Variants in PTPRD observed in about 807,000 individuals in gnomAD.
The protein encoded by PTPRD is protein tyrosine phosphatase receptor type D, also known as receptor-type tyrosine-protein phosphatase delta.
Under a neutral mutation model 214.5 loss-of-function variants are expected in PTPRD, and 34 were observed. That is an observed-to-expected ratio of 0.16 (90% CI 0.12 to 0.21). The LOEUF is 0.21. Ranked by LOEUF, PTPRD falls within the 10% of genes least tolerant of loss-of-function variation. The pLI, the probability that PTPRD is intolerant of heterozygous loss-of-function variation, is 1.00. For missense variants in PTPRD, 2,545 were observed against 2,398.7 expected (o/e 1.06, Z -1.27); for synonymous variants, 1,128 against 845.7 (o/e 1.33, Z -5.79).
chr9:9,529,996 A>G (rs1008166238), intron 8 of PTPRD, among the ~76,000 whole-genome samples: 1 of 152,100 alleles, frequency 6.6e-6, no homozygotes, highest in African/African-American at 2.4e-5. Context: ...ACCTATGGGA[A>G]ATAGCAAAAG....
chr9:9,764,429 C>G (rs891708891), intron 6 of PTPRD, among the ~76,000 whole-genome samples: 6 of 151,986 alleles, frequency 3.9e-5, no homozygotes, highest in African/African-American at 1.4e-4. Flanking sequence ...CCGTTGCCCC[C>G]ACTTCAAAGA....
intron 8 of PTPRD, among the ~76,000 whole-genome samples, chr9:9,540,272 A>T (rs1289417104): frequency 6.6e-6 from 1 of 151,780 alleles, no homozygotes; most frequent in African/African-American, 2.4e-5. Flanking sequence ...TTTACTACGT[A>T]AACACTGAGT....
rs185679738 is a variant in PTPRD at position 9,965,260 on chromosome 9, T to C, written c.-471-26650A>G. On this transcript the variant is annotated intron_variant, in intron 4 of 45. Transcript: ENST00000381196. ...GGTTGGGGTGGTTGTTAATTTTACTTTGGAGTGGATGCAGCAGGTAGATTT... is the reference window on the plus strand; with the variant it reads ...GGTTGGGGTGGTTGTTAATTTTACTCTGGAGTGGATGCAGCAGGTAGATTT... 2.5e-3 allele frequency among the ~76,000 whole-genome samples: 386 copies of C among 152,196 alleles called. 1 individual carries two copies. The highest frequency in any genetic ancestry group is 8.8e-3 in the African/African-American group (365 of 41,522).
intron 12 of PTPRD, among the ~76,000 whole-genome samples, chr9:8,639,047 G>T (rs114494396): frequency 0.069 from 10,476 of 151,924 alleles, 1,091 homozygotes; most frequent in African/African-American, 0.23. Context: ...TTGACCATGT[G>T]GGCCAGAATG....
intron 2 of PTPRD, among the ~76,000 whole-genome samples, chr9:10,475,871 CAA>C (rs370859582): frequency 2.0e-5 from 3 of 147,720 alleles, no homozygotes; most frequent in African/African-American, 7.4e-5. Context: ...GAACCAATGA[CAA>C]AAAAAAACAT....
intron 11 of PTPRD, among the ~76,000 whole-genome samples, chr9:8,937,558 T>C (rs1458433710): frequency 6.6e-6 from 1 of 152,200 alleles, no homozygotes; most frequent in Non-Finnish European, 1.5e-5. Context: ...TTTAGCAATC[T>C]TAGTCCCTCA....
At chr9:9,872,030 G>C (rs923920275) in intron 5 of PTPRD, among the ~76,000 whole-genome samples, 9 of 152,050 alleles carry the variant, frequency 5.9e-5, no homozygotes, top group African/African-American at 2.2e-4. Context: ...CTCCTGACTT[G>C]ACAATAGTAC....
chr9:10,476,335 CA>C (rs2099062380), intron 2 of PTPRD, among the ~76,000 whole-genome samples: 1 of 151,992 alleles, frequency 6.6e-6, no homozygotes. Context: ...TCCTATACAC[CA>C]ATAGTAGACA....
chr9:10,405,684 C>A (rs1407933), intron 2 of PTPRD, among the ~76,000 whole-genome samples: 3,475 of 151,536 alleles, frequency 0.023, 118 homozygotes, highest in African/African-American at 0.079. Context: ...AAGCTTATAT[C>A]TGCAAATAAA....
chr9:8,921,438 A>C (rs2154270085), intron 11 of PTPRD, among the ~76,000 whole-genome samples: 1 of 152,170 alleles, frequency 6.6e-6, no homozygotes, highest in African/African-American at 2.4e-5. Flanking sequence ...GGACTTATTA[A>C]ATCTGAGCAT....
intron 4 of PTPRD, among the ~76,000 whole-genome samples, chr9:9,982,710 T>A (rs889080139): frequency 1.3e-5 from 2 of 152,040 alleles, no homozygotes; most frequent in African/African-American, 4.8e-5. Context: ...TTGTATTTGA[T>A]GCTATCTGTT....
At chr9:8,764,387 T>A (rs933078674) in intron 11 of PTPRD, among the ~76,000 whole-genome samples, 1 of 152,204 alleles carries the variant, frequency 6.6e-6, no homozygotes, top group Non-Finnish European at 1.5e-5. Flanking sequence ...TTACCTTATG[T>A]TCCCAGTAAC....
At chr9:10,542,297 GT>G (rs1422318884) in intron 2 of PTPRD, among the ~76,000 whole-genome samples, 1 of 152,070 alleles carries the variant, frequency 6.6e-6, no homozygotes, top group Non-Finnish European at 1.5e-5. Context: ...CACTGAAAGG[GT>G]TTGAAAGATG....
At chr9:8,523,479 T>C (rs1054266548) in intron 19 of PTPRD, 34 bp downstream of exon 19, 1 of 1,610,074 alleles carries the variant, frequency 6.2e-7, no homozygotes, top group East Asian at 2.2e-5. Context: ...TTAATAGTTT[T>C]GTAAGGTGGG....
chr9:8,782,747 A>G (rs201906814), intron 11 of PTPRD, among the ~76,000 whole-genome samples: 155 of 152,006 alleles, frequency 1.0e-3, no homozygotes, highest in South Asian at 6.9e-3. Context: ...ACAGGCGCAC[A>G]CCACCACCTG....
At chr9:9,758,333 A>G (rs2098609178) in intron 6 of PTPRD, among the ~76,000 whole-genome samples, 1 of 152,076 alleles carries the variant, frequency 6.6e-6, no homozygotes, top group Non-Finnish European at 1.5e-5. Context: ...TTATGAAAGC[A>G]ACACAAACCC....
chr9:10,267,416 GTAT>G (rs2094143999), intron 3 of PTPRD, among the ~76,000 whole-genome samples: 1 of 152,062 alleles, frequency 6.6e-6, no homozygotes, highest in Non-Finnish European at 1.5e-5. Flanking sequence ...GTACGTTAAT[GTAT>G]TATTAGAGTC....
rs1268971697 is a variant in PTPRD, at chr9:10,190,404, A to C, written c.-545+150559T>G. Among the ~76,000 whole-genome samples the C allele has an allele frequency of 4.0e-3, 548 of 136,278 alleles. 3 individuals carry two copies. The highest frequency in any genetic ancestry group is 5.7e-3 in the Non-Finnish European group (367 of 64,184). The allele number at this position is 136,278 out of a possible 152,430, so 89.4% of individuals were successfully genotyped here. On this transcript the variant is annotated intron_variant, in intron 3 of 45. Coordinates refer to ENST00000381196, the MANE Select transcript of PTPRD (RefSeq NM_002839.4). ...ATCTCCAGAAAAAAAAAAAAAAAAAAAAAAAAAAAAAAAAAACAAAAAGTC... is the reference window on the plus strand; with the variant it reads ...ATCTCCAGAAAAAAAAAAAAAAAAACAAAAAAAAAAAAAAAACAAAAAGTC...
intron 4 of PTPRD, among the ~76,000 whole-genome samples, chr9:9,964,730 T>G (rs573689224): frequency 6.6e-6 from 1 of 152,302 alleles, no homozygotes; most frequent in East Asian, 1.9e-4. Context: ...AAAAATACAT[T>G]CATTTTTATC....
Sources: gnomAD v4.1 joint callset for allele counts (sites outside exome capture counted in the v4.1 genomes callset) on GRCh38, gnomAD v4.1.1 for gene constraint, MANE v1.5 for transcripts, NCBI Gene and HGNC (gene_info 2026-07-23, HGNC 2026-07-21) for gene names.